Variants in THAP12 observed in about 807,000 individuals in gnomAD.
THAP12 encodes THAP domain containing 12, also known as 52 kDa repressor of the inhibitor of the protein kinase.
THAP12 carries 20 observed loss-of-function variants against 63.0 expected under a neutral mutation model. The ratio of observed to expected loss-of-function variants is 0.32; its 90% CI spans 0.22 to 0.46. THAP12 has a LOEUF of 0.46. Ranked by LOEUF, THAP12 falls within the 20% of genes least tolerant of loss-of-function variation. THAP12 has a pLI of 1.00. For missense variants in THAP12, 568 were observed against 908.2 expected (o/e 0.63, Z 4.81); for synonymous variants, 264 against 328.4 (o/e 0.80, Z 2.12).
At chr11:76,365,536 A>C (rs1367358948) in intron 2 of THAP12, among the ~76,000 whole-genome samples, 3 of 151,974 alleles carry the variant, frequency 2.0e-5, no homozygotes, top group Non-Finnish European at 2.9e-5. Flanking sequence ...GGCATACGTC[A>C]CCACACCTCG....
Position 76,372,389 on chromosome 11 carries a change from T to C in THAP12, c.90-6417A>G, listed in dbSNP as rs200305027. On this transcript the variant is annotated intron_variant, in intron 1 of 4. Transcript: ENST00000260045. ...TCTAAAAGTGTATTCCAAGGAATCC[T>C]GTTCAAAGAATTGCTTCTAAAAAAA... Among the ~76,000 whole-genome samples, 28 of 119,124 alleles carry C rather than the reference T, an allele frequency of 2.4e-4. No homozygotes were observed. The East Asian group carries it at 6.4e-3, about 27-fold the overall frequency. 78.1% of individuals were successfully genotyped at this position (119,124 alleles called of 152,430 possible). A position where few individuals can be genotyped will look rare whatever the true frequency, so the allele number is the denominator to read the frequency against.
intron 1 of THAP12, among the ~76,000 whole-genome samples, chr11:76,377,128 C>CTAG (rs1946717147): frequency 6.6e-6 from 1 of 152,172 alleles, no homozygotes; most frequent in African/African-American, 2.4e-5. Context: ...TAACCCGTAC[C>CTAG]ACGGTTTTAA....
chr11:76,379,093 G>A (rs947262944), intron 1 of THAP12, among the ~76,000 whole-genome samples: 1 of 152,144 alleles, frequency 6.6e-6, no homozygotes, highest in African/African-American at 2.4e-5. Context: ...CAGGAGGACT[G>A]CTTGAAGCCA....
At chr11:76,367,376 C>T (rs1946639005) in intron 1 of THAP12, among the ~76,000 whole-genome samples, 2 of 151,946 alleles carry the variant, frequency 1.3e-5, no homozygotes, top group African/African-American at 4.8e-5. Flanking sequence ...GCGCCCGGCC[C>T]ATTCCTCAAA....
chr11:76,355,534 C>T, intron 4 of THAP12, 84 bp downstream of exon 4: 1 of 1,293,650 alleles, frequency 7.7e-7, no homozygotes, highest in Non-Finnish European at 1.1e-6. Context: ...AGGTTTTCAA[C>T]ACAGAACATA....
At chr11:76,358,463 T>G (rs1047038821) in intron 3 of THAP12, 1 of 152,160 alleles carries the variant, frequency 6.6e-6, no homozygotes, top group Non-Finnish European at 1.5e-5. Context: ...AAAAATGAAC[T>G]TGTCTATTAA....
intron 2 of THAP12, chr11:76,364,304 T>C (rs905504817): frequency 3.7e-6 from 1 of 268,336 alleles, no homozygotes; most frequent in Non-Finnish European, 7.6e-6. Flanking sequence ...CCTCAAATAT[T>C]TGTGATTAAA....
Position 76,361,129 on chromosome 11 carries a change from CTA to C in THAP12, c.211-68_211-67del, listed in dbSNP as rs1267435538. 4.9e-6 allele frequency: 5 copies of C among 1,023,164 alleles called. No homozygotes were observed. The East Asian group carries it at 7.4e-5, about 15-fold the overall frequency. The allele number at this position is 1,023,164 out of a possible 1,614,324, so 63.4% of individuals were successfully genotyped here. On this transcript the variant is annotated intron_variant, in intron 2 of 4. Coordinates refer to ENST00000260045, the MANE Select transcript of THAP12 (RefSeq NM_004705.4). ...AAATATATTACACATCAATAAAATT[CTA>C]TGTTAATGACCTCCACAATATTCCT...
Position 76,352,216 on chromosome 11 carries a change from T to C in THAP12, c.934A>G (p.Thr312Ala), listed in dbSNP as rs577988897. 8.7e-6 allele frequency: 14 copies of C among 1,611,578 alleles called. No homozygotes were observed. The East Asian group carries it at 2.7e-4, about 31-fold the overall frequency. ...DAEILAVKFH[T>A]MITEKWGLNM... is the part of the protein sequence containing the mutation. ...AATCCCCACTTCTCAGTTATCATAG[T>C]GTGAAATTTCACAGCCAAAATTTCT... Residue 312 changes from threonine to alanine, a missense_variant, in exon 5 of 5, where the codon ACT becomes GCT. Transcript: ENST00000260045.
intron 1 of THAP12, among the ~76,000 whole-genome samples, chr11:76,370,627 T>G (rs1352303145): frequency 6.6e-6 from 1 of 152,040 alleles, no homozygotes; most frequent in African/African-American, 2.4e-5. Context: ...CCTCCCAAGG[T>G]GCTAGGATTA....
intron 1 of THAP12, among the ~76,000 whole-genome samples, chr11:76,372,954 C>G (rs1590806601): frequency 2.0e-5 from 3 of 151,998 alleles, no homozygotes; most frequent in South Asian, 4.2e-4. Context: ...GTCCTACCTG[C>G]TCTTAAGGTT....
At position 76,365,943 on chromosome 11, in the gene THAP12, C is replaced by A; in HGVS notation, c.119G>T (p.Arg40Ile). 1 of 1,613,620 alleles carries A rather than the reference C, an allele frequency of 6.2e-7. No homozygotes were observed. The highest frequency in any genetic ancestry group is 1.1e-5 in the South Asian group (1 of 91,032). ...RCQKWVENCR[R>I]ADLEDKTPDQ... ...AGGTGTTTTATCTTCTAAGTCTGCT[C>A]TCCTACAGTTCTCCACCCACTTCTG... is the stretch of plus-strand genomic sequence containing the variant. Residue 40 changes from arginine to isoleucine, a missense_variant, in exon 2 of 5, where the codon AGA becomes ATA. Arg to Ile is a moderately conservative substitution (Grantham distance 97). Transcript: ENST00000260045.
intron 1 of THAP12, among the ~76,000 whole-genome samples, chr11:76,378,401 G>A (rs1038162705): frequency 6.6e-6 from 1 of 152,078 alleles, no homozygotes; most frequent in Admixed American, 6.6e-5. Context: ...CTGCAGCCTG[G>A]GCAACAGAGT....
At position 76,376,011 on chromosome 11, in the gene THAP12, T is replaced by C. The variant is rs1946707354; in HGVS notation, c.89+4737A>G. ...ATGAGGAATCTAGAACAGGCAAATTTATAAAGACCGAAAGTGGATTCGAGG... is the reference window on the plus strand; with the variant it reads ...ATGAGGAATCTAGAACAGGCAAATTCATAAAGACCGAAAGTGGATTCGAGG... On this transcript the variant is annotated intron_variant, in intron 1 of 4. Coordinates refer to ENST00000260045, the MANE Select transcript of THAP12 (RefSeq NM_004705.4). Among the ~76,000 whole-genome samples the C allele has an allele frequency of 2.6e-5, 4 of 152,180 alleles. No homozygotes were observed. The South Asian group carries it at 8.3e-4, about 32-fold the overall frequency.
At chr11:76,366,107 A>T (rs1055813273) in intron 1 of THAP12, 135 bp from the exon 2 acceptor site, 7 of 1,047,518 alleles carry the variant, frequency 6.7e-6, no homozygotes, top group Non-Finnish European at 9.6e-6. Flanking sequence ...GGAGAATTTG[A>T]TTAATAACAA....
chr11:76,363,109 C>T (rs1946608295), intron 2 of THAP12, among the ~76,000 whole-genome samples: 1 of 151,998 alleles, frequency 6.6e-6, no homozygotes, highest in Admixed American at 6.6e-5. Context: ...CGCCACTGCA[C>T]CCCAGCTTAG....
At chr11:76,372,234 G>A (rs183237490) in intron 1 of THAP12, among the ~76,000 whole-genome samples, 8 of 152,042 alleles carry the variant, frequency 5.3e-5, no homozygotes, top group South Asian at 2.1e-4. Context: ...GATTACAGGC[G>A]TGAGCCACTG....
At chr11:76,364,435 GAAAAA>G in intron 2 of THAP12, 1 of 434,472 alleles carries the variant, frequency 2.3e-6, no homozygotes, top group South Asian at 1.7e-5. Context: ...AAATGTATCT[GAAAAA>G]AATATCAAAA....
intron 4 of THAP12, among the ~76,000 whole-genome samples, 165 bp from the exon 5 acceptor site, chr11:76,352,959 T>C (rs1337749335): frequency 6.6e-6 from 1 of 152,148 alleles, no homozygotes; most frequent in Non-Finnish European, 1.5e-5. Context: ...AATAAGACAC[T>C]AAGATAAGAC....
Sources: allele counts gnomAD v4.1 joint callset (sites outside exome capture counted in the v4.1 genomes callset), GRCh38; gene constraint gnomAD v4.1.1; transcripts MANE v1.5; gene names NCBI Gene and HGNC (gene_info 2026-07-23, HGNC 2026-07-21).